The following ADAMTSL1 variants were observed in gnomAD, a reference collection of about 807,000 sequenced individuals.
ADAMTSL1 encodes the protein ADAMTS-like protein 1.
ADAMTSL1 carries 126 observed loss-of-function variants against 201.8 expected under a neutral mutation model. The observed-to-expected ratio is 0.62, with a 90% CI of 0.54 to 0.72. The LOEUF (loss-of-function observed/expected upper bound fraction) is 0.72. Ranked by LOEUF, ADAMTSL1 falls within the 30% of genes least tolerant of loss-of-function variation. The pLI, the probability that ADAMTSL1 is intolerant of heterozygous loss-of-function variation, is 0.00. For missense variants in ADAMTSL1, 2,679 were observed against 2,277.8 expected, an observed-to-expected ratio of 1.18 and a Z score of -3.59; for synonymous variants, 1,121 against 903.4, an observed-to-expected ratio of 1.24 and a Z score of -4.32.
intron 1 of ADAMTSL1, among the ~76,000 whole-genome samples, chr9:18,492,485 A>T (rs1425997472): frequency 2.0e-5 from 3 of 152,210 alleles, no homozygotes; most frequent in Non-Finnish European, 4.4e-5. Context: ...GCAAAGAAAG[A>T]AAGTCCCAGC....
At chr9:18,785,189 G>C (rs1220307595) in intron 19 of ADAMTSL1, among the ~76,000 whole-genome samples, 3 of 151,952 alleles carry the variant, frequency 2.0e-5, no homozygotes, top group Non-Finnish European at 2.9e-5. Context: ...AATGGAGCTG[G>C]GATTTGAATC....
intron 5 of ADAMTSL1, among the ~76,000 whole-genome samples, chr9:18,634,635 C>T (rs562575683): frequency 4.0e-5 from 6 of 151,552 alleles, no homozygotes; most frequent in African/African-American, 1.2e-4. Flanking sequence ...GTCAGGAGTT[C>T]GAGACCAGTC....
intron 1 of ADAMTSL1, among the ~76,000 whole-genome samples, chr9:18,499,137 T>A (rs1011030233): frequency 6.6e-6 from 1 of 152,242 alleles, no homozygotes. Context: ...TGAAAGACCA[T>A]GCACTGTGTC....
chr9:18,742,049 C>G (rs1196283672), intron 15 of ADAMTSL1, among the ~76,000 whole-genome samples: 1 of 152,200 alleles, frequency 6.6e-6, no homozygotes, highest in Non-Finnish European at 1.5e-5. Flanking sequence ...TAGCCATCTT[C>G]CCCTCTGTGC....
chr9:17,927,629 C>T (rs948775130), intron 1 of ADAMTSL1, among the ~76,000 whole-genome samples: 12 of 151,920 alleles, frequency 7.9e-5, no homozygotes, highest in African/African-American at 2.9e-4. Context: ...GACTTTTTTC[C>T]TTGTCATTAC....
intron 1 of ADAMTSL1, among the ~76,000 whole-genome samples, chr9:18,067,502 A>G (rs1411245): frequency 1.3e-5 from 2 of 152,152 alleles, no homozygotes; most frequent in Non-Finnish European, 2.9e-5. Context: ...TTGTGCTCTT[A>G]CTGTGTTTAG....
At chr9:17,923,563 T>C (rs1215076622) in intron 1 of ADAMTSL1, among the ~76,000 whole-genome samples, 1 of 151,028 alleles carries the variant, frequency 6.6e-6, no homozygotes, top group African/African-American at 2.4e-5. Flanking sequence ...AATCATGTCG[T>C]CTGCAAACAG....
chr9:18,801,191 A>C, intron 20 of ADAMTSL1, among the ~76,000 whole-genome samples: 1 of 152,202 alleles, frequency 6.6e-6, no homozygotes, highest in East Asian at 1.9e-4. Context: ...CTTTTATGCA[A>C]GGCAATTAAT....
chr9:18,904,764 A>G (rs1050211116), intron 26 of ADAMTSL1, among the ~76,000 whole-genome samples: 2 of 124,558 alleles, frequency 1.6e-5, no homozygotes, highest in African/African-American at 3.7e-5. Flanking sequence ...ATTTACCCCA[A>G]CCCTCCATGT....
Position 18,826,478 on chromosome 9 carries a change from G to A in ADAMTSL1, c.4114+15G>A. 6.2e-7 allele frequency: 1 copy of A among 1,606,658 alleles called. No individual in the cohort carries two copies. The highest frequency in any genetic ancestry group is 8.5e-7 in the Non-Finnish European group (1 of 1,176,476). On this transcript the variant is annotated intron_variant, in intron 22 of 28. Transcript: ENST00000380548. ...GCTGATCCTAGGTAAACACTTCAAA[G>A]CTGGCTGCCTCTGCTGCACCCTGTT...
intron 2 of ADAMTSL1, among the ~76,000 whole-genome samples, chr9:18,278,806 G>T (rs1021468216): frequency 3.9e-5 from 6 of 152,036 alleles, no homozygotes; most frequent in African/African-American, 1.4e-4. Flanking sequence ...GACTTGCTTA[G>T]TGGTGTCTCA....
chr9:18,802,398 A>G (rs935940872), intron 20 of ADAMTSL1, among the ~76,000 whole-genome samples: 2 of 152,226 alleles, frequency 1.3e-5, no homozygotes, highest in East Asian at 1.9e-4. Context: ...TTTCAGCTCT[A>G]TGCAACCACT....
chr9:18,521,852 A>C (rs1818714620), intron 2 of ADAMTSL1, among the ~76,000 whole-genome samples: 1 of 152,224 alleles, frequency 6.6e-6, no homozygotes, highest in South Asian at 2.1e-4. Context: ...AAAAGATTAG[A>C]ATATGGGACT....
At chr9:18,129,288 G>T (rs966850368) in intron 1 of ADAMTSL1, among the ~76,000 whole-genome samples, 6 of 152,144 alleles carry the variant, frequency 3.9e-5, no homozygotes, top group Admixed American at 2.0e-4. Flanking sequence ...CAGGAGTGAG[G>T]TTCGGAATTG....
intron 1 of ADAMTSL1, among the ~76,000 whole-genome samples, chr9:18,056,626 T>A (rs1252805965): frequency 6.6e-6 from 1 of 152,130 alleles, no homozygotes; most frequent in East Asian, 1.9e-4. Flanking sequence ...CTTAGATAGT[T>A]GAAAACTACA....
chr9:17,987,332 G>A (rs1588528797), intron 1 of ADAMTSL1, among the ~76,000 whole-genome samples: 1 of 151,986 alleles, frequency 6.6e-6, no homozygotes, highest in Non-Finnish European at 1.5e-5. Flanking sequence ...AGGAAGCAGG[G>A]GATAGAGAAC....
At chr9:18,481,828 A>T (rs1821742566) in intron 1 of ADAMTSL1, among the ~76,000 whole-genome samples, 1 of 152,192 alleles carries the variant, frequency 6.6e-6, no homozygotes, top group South Asian at 2.1e-4. Context: ...TCTTTAGGGA[A>T]AAACTATTTT....
chr9:18,147,414 C>T (rs1728634250), intron 1 of ADAMTSL1, among the ~76,000 whole-genome samples: 1 of 152,094 alleles, frequency 6.6e-6, no homozygotes, highest in African/African-American at 2.4e-5. Context: ...GGGAATGGCT[C>T]ACCACTTAGC....
intron 2 of ADAMTSL1, among the ~76,000 whole-genome samples, chr9:18,226,396 T>C (rs760167229): frequency 3.9e-5 from 6 of 152,174 alleles, no homozygotes; most frequent in Non-Finnish European, 7.3e-5. Context: ...CTCACCCCTA[T>C]TGAGTCTGAC....
Sources: gnomAD v4.1 joint callset for allele counts (sites outside exome capture counted in the v4.1 genomes callset) on GRCh38, gnomAD v4.1.1 for gene constraint, MANE v1.5 for transcripts, NCBI Gene and HGNC (gene_info 2026-07-23, HGNC 2026-07-21) for gene names.